The following CNGB1 variants were observed in gnomAD, a reference collection of about 807,000 sequenced individuals.
The protein encoded by CNGB1 is cyclic nucleotide-gated channel beta-1.
Under a neutral mutation model 151.7 loss-of-function variants are expected in CNGB1, and 126 were observed. The ratio of observed to expected loss-of-function variants is 0.83; its 90% CI spans 0.72 to 0.96. The LOEUF is 0.96. CNGB1 is among the 40% of genes least tolerant of loss of function. The pLI, the probability that CNGB1 is intolerant of heterozygous loss-of-function variation, is 0.00. For synonymous variants in CNGB1, 623 were observed against 635.1 expected (o/e 0.98, Z 0.29); for missense variants, 1,698 against 1,627.0 (o/e 1.04, Z -0.75).
At chr16:57,929,225 TG>T (rs1229713580) in intron 17 of CNGB1, among the ~76,000 whole-genome samples, 2 of 152,226 alleles carry the variant, frequency 1.3e-5, no homozygotes, top group African/African-American at 4.8e-5. Flanking sequence ...TACAAATGGC[TG>T]GCAGGAATAT....
At chr16:57,885,572 CTCTCTCTT>C (rs1291118669) in intron 32 of CNGB1, among the ~76,000 whole-genome samples, 114 of 100,996 alleles carry the variant, frequency 1.1e-3, no homozygotes, top group South Asian at 9.9e-3. Flanking sequence ...CTCTCTCTCT[CTCTCTCTT>C]TCTTTCTTTC....
chr16:57,969,916 C>G (rs183332201), intron 1 of CNGB1, among the ~76,000 whole-genome samples: 11 of 152,308 alleles, frequency 7.2e-5, no homozygotes, highest in African/African-American at 2.6e-4. Context: ...CGGGCTTTGG[C>G]AGAGAGTCTG....
At chr16:57,917,595 A>G in intron 20 of CNGB1, 119 bp from the exon 21 acceptor site, 1 of 728,460 alleles carries the variant, frequency 1.4e-6, no homozygotes, top group South Asian at 1.5e-5. Context: ...CACTTTTGTA[A>G]GAGTGTGTGT....
chr16:57,905,794 T>C (rs1960533974), intron 25 of CNGB1, among the ~76,000 whole-genome samples: 1 of 152,244 alleles, frequency 6.6e-6, no homozygotes, highest in African/African-American at 2.4e-5. Context: ...CACTGTGGCC[T>C]TCAAGACATT....
chr16:57,892,735 C>A (rs1374781934), intron 31 of CNGB1, among the ~76,000 whole-genome samples: 2 of 152,142 alleles, frequency 1.3e-5, no homozygotes, highest in African/African-American at 4.8e-5. Flanking sequence ...ACACACTAAG[C>A]CTGCTCCTCC....
Position 57,884,187 on chromosome 16 carries a change from C to T in CNGB1, c.3733G>A (p.Glu1245Lys). ...CCTTACTCCGCCTTCTCCTCCCTTTCCTCCGGCATCTTCACCGACAGGATC... is the reference window on the plus strand; with the variant it reads ...CCTTACTCCGCCTTCTCCTCCCTTTTCTCCGGCATCTTCACCGACAGGATC... ...EQILSVKMPE[E>K]REEKAE The change falls in exon 33 of 33, where the codon GAA becomes AAA. Residue 1245 changes from glutamate (E) to lysine (K), a missense_variant. Transcript: ENST00000251102. 6.2e-7 allele frequency: 1 copy of T among 1,614,072 alleles called. No individual in the cohort carries two copies. Among genetic ancestry groups the T allele is most frequent in the Non-Finnish European group, 8.5e-7 (1 of 1,179,936 alleles).
Position 57,882,799 on chromosome 16 carries a change from C to CTTTTTTTT in CNGB1, c.*1357_*1364dup, listed in dbSNP as rs71155213. ...CCTTTTTTCTTTTTTTTTCTTTTTT[C>CTTTTTTTT]TTTTTTTTTTTTTGTCTGAATCATA... On this transcript the variant is annotated 3_prime_UTR_variant, in exon 33 of 33. Coordinates refer to ENST00000251102, the MANE Select transcript of CNGB1 (RefSeq NM_001297.5). 7.3e-6 allele frequency: 1 copy of CTTTTTTTT among 136,062 alleles called. No homozygotes were observed. Among genetic ancestry groups the CTTTTTTTT allele is most frequent in the African/African-American group, 2.7e-5 (1 of 36,724 alleles). 8.4% of individuals were successfully genotyped at this position (136,062 alleles called of 1,614,324 possible). A position where few individuals can be genotyped will look rare whatever the true frequency, so the allele number is the denominator to read the frequency against.
intron 25 of CNGB1, among the ~76,000 whole-genome samples, chr16:57,905,714 G>C (rs1960531923): frequency 6.6e-6 from 1 of 152,256 alleles, no homozygotes; most frequent in African/African-American, 2.4e-5. Flanking sequence ...GGTTCTGGTG[G>C]AGGGTTTCCA....
At position 57,927,754 on chromosome 16, in the gene CNGB1, C is replaced by G. The variant is rs554391625; in HGVS notation, c.1535+3962G>C. On this transcript the variant is annotated intron_variant, in intron 17 of 32. Transcript: ENST00000251102. ...CTCCCCTAAATATGCCACCCCCTAC[C>G]CAGCCCAGCCTTCATTGTTTCCCTG... is the stretch of plus-strand genomic sequence containing the variant. 7.9e-5 allele frequency among the ~76,000 whole-genome samples: 12 copies of G among 152,328 alleles called. No individual in the cohort carries two copies. The South Asian group carries it at 2.5e-3, about 32-fold the overall frequency.
chr16:57,951,354 T>C (rs914232946), intron 12 of CNGB1, among the ~76,000 whole-genome samples: 1 of 152,090 alleles, frequency 6.6e-6, no homozygotes, highest in Non-Finnish European at 1.5e-5. Flanking sequence ...TTAGTAATAG[T>C]GACTTTTTTG....
At position 57,940,334 on chromosome 16, in the gene CNGB1, G is replaced by A. The variant is rs780389427; in HGVS notation, c.1122-13C>T. 4.5e-6 allele frequency: 7 copies of A among 1,567,918 alleles called. No individual in the cohort carries two copies. The highest frequency in any genetic ancestry group is 6.1e-6 in the Non-Finnish European group (7 of 1,156,042). ...ATCCAGCAGCACCCTGTGACCCGGGGCGGGGTGGGGAGGATAAAAGGACTG... is the reference window on the plus strand; with the variant it reads ...ATCCAGCAGCACCCTGTGACCCGGGACGGGGTGGGGAGGATAAAAGGACTG... On this transcript the variant is annotated splice_polypyrimidine_tract_variant and intron_variant, in intron 14 of 32. Transcript: ENST00000251102.
At chr16:57,955,460 G>T in intron 12 of CNGB1, 1 of 1,071,896 alleles carries the variant, frequency 9.3e-7, no homozygotes, top group Admixed American at 2.0e-5. Flanking sequence ...GAATGAATGG[G>T]GAAGGTAAGG....
Position 57,918,779 on chromosome 16 carries a change from A to G in CNGB1, c.1957+320T>C, listed in dbSNP as rs77391733. Among the ~76,000 whole-genome samples the G allele has an allele frequency of 8.6e-4, 130 of 151,874 alleles. No homozygotes were observed. The East Asian group carries it at 0.018, about 21-fold the overall frequency. On this transcript the variant is annotated intron_variant, in intron 20 of 32. Transcript: ENST00000251102. ...CAATTGTGCGATCTTGACTCAGTGC[A>G]CTCTCCACCTCCTGGATTCAAATGA...
intron 29 of CNGB1, 103 bp downstream of exon 29, chr16:57,901,249 T>A: frequency 8.9e-7 from 1 of 1,129,876 alleles, no homozygotes; most frequent in Non-Finnish European, 1.3e-6. Flanking sequence ...TCCCCAACAA[T>A]CTCGCTCTGC....
At chr16:57,923,069 G>A in intron 18 of CNGB1, 1 of 463,192 alleles carries the variant, frequency 2.2e-6, no homozygotes, top group Non-Finnish European at 4.0e-6. Flanking sequence ...GCTGGGCCCA[G>A]AGGTTGAGCC....
intron 29 of CNGB1, among the ~76,000 whole-genome samples, chr16:57,899,111 C>G (rs888688138): frequency 1.3e-5 from 2 of 152,170 alleles, no homozygotes; most frequent in Non-Finnish European, 2.9e-5. Flanking sequence ...GGTGGAGTTG[C>G]ACAGTGTCCC....
chr16:57,947,609 C>A (rs191265768), intron 14 of CNGB1, among the ~76,000 whole-genome samples: 9 of 152,270 alleles, frequency 5.9e-5, no homozygotes, highest in Non-Finnish European at 1.2e-4. Context: ...AGCTCCCCGT[C>A]ATTGGAGGTA....
rs536109253 is a variant in CNGB1, at chr16:57,886,664, C to T, written c.3462+1191G>A. Among the ~76,000 whole-genome samples, 8 of 152,248 alleles carry T rather than the reference C, an allele frequency of 5.3e-5. No homozygotes were observed. The South Asian group carries it at 1.7e-3, about 32-fold the overall frequency. ...ACTCTGCTGTGTAGACTGTTAAGCC[C>T]AGTCTGCCTAACCCCAGTCCCTCTC... On this transcript the variant is annotated intron_variant, in intron 32 of 32. Coordinates refer to ENST00000251102, the MANE Select transcript of CNGB1 (RefSeq NM_001297.5).
rs1361259205 is a variant in CNGB1, at chr16:57,884,225, T to C, written c.3695A>G (p.Glu1232Gly). Residue 1232 changes from glutamate (E) to glycine (G), a missense_variant, in exon 33 of 33, where the codon GAG (glutamate) becomes GGG (glycine). Coordinates refer to ENST00000251102, the MANE Select transcript of CNGB1 (RefSeq NM_001297.5). Reference sequence around the variant, plus strand: ...CACCGACAGGATCTGCTCTCCCGGCTCCGGGCCCGGGCTCATGCAGATCCT... The same window carrying C: ...CACCGACAGGATCTGCTCTCCCGGCCCCGGGCCCGGGCTCATGCAGATCCT... ...SVRICMSPGP[E>G]PGEQILSVKM... 2 of 1,613,894 alleles carry C rather than the reference T, an allele frequency of 1.2e-6. No homozygotes were observed. Among genetic ancestry groups the C allele is most frequent in the Non-Finnish European group, 1.7e-6 (2 of 1,179,910 alleles).
Sources: gnomAD v4.1 joint callset for allele counts (sites outside exome capture counted in the v4.1 genomes callset) on GRCh38, gnomAD v4.1.1 for gene constraint, MANE v1.5 for transcripts, NCBI Gene and HGNC (gene_info 2026-07-23, HGNC 2026-07-21) for gene names.